The following PPP1CC variants were observed in gnomAD, a reference collection of about 807,000 sequenced individuals.
The protein encoded by PPP1CC is serine/threonine-protein phosphatase PP1-gamma catalytic subunit.
PPP1CC carries 16 observed loss-of-function variants against 38.4 expected under a neutral mutation model. The observed-to-expected ratio is 0.42, with a 90% CI of 0.28 to 0.63. The LOEUF is 0.63. Ranked by LOEUF, PPP1CC falls within the 30% of genes least tolerant of loss-of-function variation. The pLI, the probability that PPP1CC is intolerant of heterozygous loss-of-function variation, is 0.25. For synonymous variants in PPP1CC, 158 were observed against 136.0 expected (o/e 1.16, Z -1.13); for missense variants, 170 against 391.3 (o/e 0.43, Z 4.77).
chr12:110,732,480 A>C (rs1241811183), intron 1 of PPP1CC: 1 of 152,664 alleles, frequency 6.6e-6, no homozygotes, highest in African/African-American at 2.4e-5. Context: ...AGTGTTTTCC[A>C]GAGGACCATG....
Position 110,720,161 on chromosome 12 carries a change from A to ATAT in PPP1CC, c.*914_*915insATA. ...ACTCGTATAGAACAGTATTGTTTCT[A>ATAT]TAATTTGAAGCTTTCTGAATGGACG... On this transcript the variant is annotated 3_prime_UTR_variant, in exon 7 of 7. Coordinates refer to ENST00000335007, the MANE Select transcript of PPP1CC (RefSeq NM_002710.4). 6.4e-7 allele frequency: 1 copy of ATAT among 1,555,896 alleles called. No individual in the cohort carries two copies. The highest frequency in any genetic ancestry group is 2.3e-5 in the East Asian group (1 of 43,252).
downstream of PPP1CC, among the ~76,000 whole-genome samples, chr12:110,718,420 C>G (rs1444073511): frequency 6.6e-6 from 1 of 152,174 alleles, no homozygotes; most frequent in Non-Finnish European, 1.5e-5. Context: ...CTAATAATTA[C>G]AACTTCCTCT....
intron 4 of PPP1CC, among the ~76,000 whole-genome samples, chr12:110,724,404 T>TAAAATA (rs1298867924): frequency 2.0e-5 from 3 of 152,024 alleles, no homozygotes; most frequent in Non-Finnish European, 2.9e-5. Context: ...TTACAAAAAA[T>TAAAATA]AAAATAAAAA....
chr12:110,719,864 TCTC>T lies in PPP1CC; in HGVS notation c.*1209_*1211del, dbSNP rs369891229. On this transcript the variant is annotated 3_prime_UTR_variant, in exon 7 of 7. Transcript: ENST00000335007. ...ATCTATTCAATATGCCATCAACAGT[TCTC>T]CTGTGTGTATTGTGCTGATAAATAG... The T allele has an allele frequency of 3.4e-4, 135 of 395,884 alleles. No homozygotes were observed. Among genetic ancestry groups the T allele is most frequent in the African/African-American group, 2.2e-3 (106 of 48,498 alleles). The allele number at this position is 395,884 out of a possible 1,614,324, so 24.5% of individuals were successfully genotyped here.
chr12:110,715,736 A>G (rs2069682192), downstream of PPP1CC, among the ~76,000 whole-genome samples: 1 of 151,936 alleles, frequency 6.6e-6, no homozygotes, highest in South Asian at 2.1e-4. Context: ...CTCCTGCCTC[A>G]GCCTCCTGAG....
chr12:110,709,260 C>G, the PPP1CC span, among the ~76,000 whole-genome samples: 1 of 151,648 alleles, frequency 6.6e-6, no homozygotes, highest in Non-Finnish European at 1.5e-5. Context: ...GACAGAGTCT[C>G]CCTCTGTTGC....
the PPP1CC span, among the ~76,000 whole-genome samples, chr12:110,713,192 G>A: frequency 1.3e-5 from 2 of 151,862 alleles, no homozygotes; most frequent in African/African-American, 4.8e-5. Context: ...GAAAGCAGTG[G>A]CATGATCTTG....
intron 1 of PPP1CC, among the ~76,000 whole-genome samples, chr12:110,741,749 A>C (rs561036737): frequency 6.6e-6 from 1 of 152,336 alleles, no homozygotes; most frequent in Admixed American, 6.5e-5. Context: ...TAACTGTGTG[A>C]CCTTGGTTAA....
rs1443766397 is a variant in PPP1CC, at chr12:110,742,829, G to T, written c.-122C>A. The stretch of plus-strand genomic sequence containing the variant: ...GGCGGCGGTGGCAGCAGCCGCGGCG[G>T]GTCCCCCCCCTGCCACCCCGCTCCC... On this transcript the variant is annotated 5_prime_UTR_variant, in exon 1 of 7. Coordinates refer to ENST00000335007, the MANE Select transcript of PPP1CC (RefSeq NM_002710.4). 2.6e-6 allele frequency: 2 copies of T among 758,602 alleles called. No homozygotes were observed. Among genetic ancestry groups the T allele is most frequent in the Non-Finnish European group, 3.7e-6 (2 of 538,752 alleles). The allele number at this position is 758,602 out of a possible 1,614,324, so 47.0% of individuals were successfully genotyped here.
chr12:110,727,041 G>C (rs542643135), intron 3 of PPP1CC, among the ~76,000 whole-genome samples: 1 of 152,170 alleles, frequency 6.6e-6, no homozygotes, highest in African/African-American at 2.4e-5. Flanking sequence ...AGGTTCCAGT[G>C]ATTTTCCTGC....
chr12:110,733,498 G>A (rs187392029), intron 1 of PPP1CC, among the ~76,000 whole-genome samples: 122 of 151,952 alleles, frequency 8.0e-4, no homozygotes, highest in Admixed American at 4.1e-3. Flanking sequence ...GGCTTTGGAC[G>A]CTCTCCACTG....
At chr12:110,709,031 A>C in the PPP1CC span, among the ~76,000 whole-genome samples, 2 of 152,046 alleles carry the variant, frequency 1.3e-5, no homozygotes, top group Non-Finnish European at 2.9e-5. Context: ...GAAAATGGGC[A>C]ACTCTGTCAA....
chr12:110,741,022 C>T (rs867281021), intron 1 of PPP1CC, among the ~76,000 whole-genome samples: 1 of 152,096 alleles, frequency 6.6e-6, no homozygotes, highest in Admixed American at 6.5e-5. Flanking sequence ...CCAACTGCTG[C>T]CTCGAATAAA....
chr12:110,730,061 CAA>C (rs1438608093), intron 3 of PPP1CC, among the ~76,000 whole-genome samples: 1 of 152,162 alleles, frequency 6.6e-6, no homozygotes, highest in African/African-American at 2.4e-5. Context: ...TTTTTCTACC[CAA>C]GAGAGAAAAA....
intron 3 of PPP1CC, among the ~76,000 whole-genome samples, chr12:110,727,138 T>G (rs1293300597): frequency 6.6e-6 from 1 of 152,244 alleles, no homozygotes; most frequent in Non-Finnish European, 1.5e-5. Context: ...TTCCCCATGT[T>G]GGTCAGACCT....
At position 110,722,400 on chromosome 12, in the gene PPP1CC, C is replaced by T. The variant is rs765518467; in HGVS notation, c.747+72G>A. 1.3e-6 allele frequency: 2 copies of T among 1,576,496 alleles called. No homozygotes were observed. The highest frequency in any genetic ancestry group is 3.3e-4 in the Middle Eastern group (2 of 5,982). On this transcript the variant is annotated intron_variant, in intron 5 of 6. Coordinates refer to ENST00000335007, the MANE Select transcript of PPP1CC (RefSeq NM_002710.4). This position sits in a 1 kb window ranked among gnomAD's most constrained non-coding sequence, Gnocchi z 5.4. ...TGTATAAATAAGCAATACCTACCCA[C>T]CAAAATCAACAAGGAGAATCTGTGC...
At chr12:110,716,288 T>A (rs1374815300), downstream of PPP1CC, among the ~76,000 whole-genome samples, 1 of 152,166 alleles carries the variant, frequency 6.6e-6, no homozygotes, top group African/African-American at 2.4e-5. Flanking sequence ...AGTTCAAGAG[T>A]ATAAAGTTCT....
At chr12:110,708,916 A>G in the PPP1CC span, among the ~76,000 whole-genome samples, 4 of 152,026 alleles carry the variant, frequency 2.6e-5, no homozygotes, top group East Asian at 7.7e-4. Context: ...TTTAAAGTCT[A>G]GGTTGATACT....
chr12:110,721,411 T>C, intron 6 of PPP1CC: 12 of 358,702 alleles, frequency 3.3e-5, no homozygotes, highest in Middle Eastern at 7.9e-4. Context: ...GACAATCTTC[T>C]GAAGTCTACA....
Sources: gnomAD v4.1 joint callset for allele counts (sites outside exome capture counted in the v4.1 genomes callset) on GRCh38, gnomAD v4.1.1 for gene constraint, Gnocchi (gnomAD v3.1) non-coding constraint, MANE v1.5 for transcripts, NCBI Gene and HGNC (gene_info 2026-07-23, HGNC 2026-07-21) for gene names.